AFG2A: variants seen among roughly 807,000 people sequenced by gnomAD.
AFG2A encodes the protein ATPase family gene 2 protein homolog A.
the AFG2A span, among the ~76,000 whole-genome samples, chr4:123,195,606 A>T: frequency 6.6e-6 from 1 of 152,224 alleles, no homozygotes; most frequent in Non-Finnish European, 1.5e-5. Context: ...ATATCTTATT[A>T]AGATAAGAAT....
chr4:123,180,565 C>A, the AFG2A span, among the ~76,000 whole-genome samples: 1 of 152,042 alleles, frequency 6.6e-6, no homozygotes, highest in Non-Finnish European at 1.5e-5. Context: ...AATTCTCTAT[C>A]CTGATTCTTG....
chr4:123,263,767 G>A, the AFG2A span, among the ~76,000 whole-genome samples: 1 of 152,202 alleles, frequency 6.6e-6, no homozygotes, highest in African/African-American at 2.4e-5. Context: ...TGGTGGGAAT[G>A]TAAACTAGTA....
chr4:123,128,548 G>T, the AFG2A span, among the ~76,000 whole-genome samples: 1 of 152,066 alleles, frequency 6.6e-6, no homozygotes, highest in East Asian at 1.9e-4. Context: ...TTTAAAGTTA[G>T]AGTTGGAGTT....
chr4:123,256,694 TTC>T, the AFG2A span: 1 of 985,342 alleles, frequency 1.0e-6, no homozygotes, highest in Non-Finnish European at 1.2e-6. Flanking sequence ...GTATTAAACA[TTC>T]TCTCACAGTA....
the AFG2A span, among the ~76,000 whole-genome samples, chr4:122,948,831 C>T: frequency 6.6e-6 from 1 of 152,168 alleles, no homozygotes; most frequent in Non-Finnish European, 1.5e-5. Flanking sequence ...CTGCCATATA[C>T]TCCGCACCAG....
At chr4:123,198,600 T>C in the AFG2A span, among the ~76,000 whole-genome samples, 1 of 152,212 alleles carries the variant, frequency 6.6e-6, no homozygotes, top group African/African-American at 2.4e-5. Context: ...TCCTAAAAAT[T>C]ACCATTAATT....
chr4:123,229,442 AG>A, the AFG2A span, among the ~76,000 whole-genome samples: 1,805 of 152,080 alleles, frequency 0.012, 15 homozygotes, highest in South Asian at 0.035. Context: ...ATGTGGGTGG[AG>A]GGTTGCTGGC....
chr4:122,941,516 G>T, the AFG2A span, among the ~76,000 whole-genome samples: 3 of 152,246 alleles, frequency 2.0e-5, no homozygotes, highest in Admixed American at 2.0e-4. Context: ...TTGCTTATCA[G>T]CTTAAGGAAG....
the AFG2A span, among the ~76,000 whole-genome samples, chr4:122,952,507 A>C: frequency 6.6e-6 from 1 of 152,208 alleles, no homozygotes; most frequent in African/African-American, 2.4e-5. Flanking sequence ...TTGGTGTCAC[A>C]CGATGTGAGT....
chr4:123,087,519 A>G, the AFG2A span, among the ~76,000 whole-genome samples: 1 of 152,314 alleles, frequency 6.6e-6, no homozygotes, highest in East Asian at 1.9e-4. Flanking sequence ...CACAATGGGT[A>G]CTTTTCCTTC....
the AFG2A span, among the ~76,000 whole-genome samples, chr4:123,083,910 T>C: frequency 6.6e-6 from 1 of 152,162 alleles, no homozygotes; most frequent in Non-Finnish European, 1.5e-5. Flanking sequence ...CTTAAATGTT[T>C]GGTTGAATTC....
chr4:123,185,616 C>T, the AFG2A span, among the ~76,000 whole-genome samples: 3 of 152,102 alleles, frequency 2.0e-5, no homozygotes, highest in African/African-American at 7.2e-5. Context: ...TATAATTTTA[C>T]CTCTTACCAA....
chr4:123,001,827 G>A, the AFG2A span, among the ~76,000 whole-genome samples: 1 of 151,262 alleles, frequency 6.6e-6, no homozygotes, highest in East Asian at 1.9e-4. Flanking sequence ...GGTCTGCTTG[G>A]TGCAGAGCTG....
chr4:123,098,405 T>G, the AFG2A span, among the ~76,000 whole-genome samples: 1 of 152,020 alleles, frequency 6.6e-6, no homozygotes, highest in East Asian at 1.9e-4. Flanking sequence ...CTCTTAGTAA[T>G]TTTTAAGTAT....
chr4:123,246,340 A>G, the AFG2A span, among the ~76,000 whole-genome samples: 1 of 152,180 alleles, frequency 6.6e-6, no homozygotes, highest in Non-Finnish European at 1.5e-5. Flanking sequence ...TTAGTTGCCT[A>G]ACTGGAAGTT....
At chr4:122,973,820 G>T in the AFG2A span, among the ~76,000 whole-genome samples, 9 of 152,230 alleles carry the variant, frequency 5.9e-5, no homozygotes, top group Non-Finnish European at 7.4e-5. Flanking sequence ...TAGGACTATA[G>T]GCACATGCCA....
the AFG2A span, among the ~76,000 whole-genome samples, chr4:122,937,008 T>A: frequency 6.6e-6 from 1 of 151,866 alleles, no homozygotes; most frequent in African/African-American, 2.4e-5. Context: ...AATAATTAGT[T>A]GGGCATGGTA....
the AFG2A span, among the ~76,000 whole-genome samples, chr4:123,075,186 C>T: frequency 3.3e-5 from 5 of 151,866 alleles, no homozygotes; most frequent in South Asian, 4.2e-4. Flanking sequence ...CTTTGTGATC[C>T]GCCCACCTTA....
chr4:123,088,381 C>T, the AFG2A span, among the ~76,000 whole-genome samples: 5 of 152,172 alleles, frequency 3.3e-5, no homozygotes, highest in East Asian at 5.8e-4. Flanking sequence ...TAAAGGCCTC[C>T]GATGTAATTT....
Sources: gnomAD v4.1 joint callset for allele counts (sites outside exome capture counted in the v4.1 genomes callset) on GRCh38, gnomAD v4.1.1 for gene constraint, MANE v1.5 for transcripts, NCBI Gene and HGNC (gene_info 2026-07-23, HGNC 2026-07-21) for gene names.